The following HIPK2 variants were observed in gnomAD, a reference collection of about 807,000 sequenced individuals.
HIPK2 encodes the protein homeodomain interacting protein kinase 2, also known as homeodomain-interacting protein kinase 2.
HIPK2 carries 27 observed loss-of-function variants against 113.7 expected under a neutral mutation model. The ratio of observed to expected loss-of-function variants is 0.24; its 90% CI spans 0.17 to 0.33. The LOEUF is 0.33. Ranked by LOEUF, HIPK2 falls within the 10% of genes least tolerant of loss-of-function variation. The probability of loss-of-function intolerance (pLI) is 1.00; values close to 1 mark genes in which losing one functional copy is unlikely to be tolerated. For synonymous variants in HIPK2, 631 were observed against 642.2 expected (o/e 0.98, Z 0.26); for missense variants, 1,257 against 1,588.0 (o/e 0.79, Z 3.54).
chr7:139,624,566 C>T (rs1307047495), intron 6 of HIPK2, among the ~76,000 whole-genome samples: 1 of 152,240 alleles, frequency 6.6e-6, no homozygotes, highest in Non-Finnish European at 1.5e-5. Flanking sequence ...GTTTAAGCAT[C>T]CTGTTTTCCC....
chr7:139,620,686 G>A lies in HIPK2; in HGVS notation c.1620-123C>T, dbSNP rs2116836707. On this transcript the variant is annotated intron_variant, in intron 6 of 14. Coordinates refer to ENST00000406875, the MANE Select transcript of HIPK2 (RefSeq NM_022740.5). ...TTAATTCAGTAAACAGGACAAGCAG[G>A]GAAACTAAACTTTAGGTCTAAGTTT... 7.7e-6 allele frequency: 10 copies of A among 1,292,462 alleles called. No individual in the cohort carries two copies. The South Asian group carries it at 1.3e-4, about 17-fold the overall frequency. The allele number at this position is 1,292,462 out of a possible 1,614,324, so 80.1% of individuals were successfully genotyped here. A position where few individuals can be genotyped will look rare whatever the true frequency, so the allele number is the denominator to read the frequency against.
intron 2 of HIPK2, among the ~76,000 whole-genome samples, chr7:139,642,875 C>T (rs1801076099): frequency 6.6e-6 from 1 of 152,154 alleles, no homozygotes; most frequent in African/African-American, 2.4e-5. Context: ...CACTCTGCAG[C>T]AGGGTACTTT....
chr7:139,756,387 T>C (rs963962499), intron 1 of HIPK2, among the ~76,000 whole-genome samples: 10 of 152,248 alleles, frequency 6.6e-5, no homozygotes, highest in Admixed American at 5.2e-4. Context: ...CTCTCACTCT[T>C]TTTAAAAATT....
intron 2 of HIPK2, among the ~76,000 whole-genome samples, chr7:139,682,550 T>C (rs1214486916): frequency 6.6e-6 from 1 of 152,182 alleles, no homozygotes; most frequent in Non-Finnish European, 1.5e-5. Flanking sequence ...TGGGTCCCTG[T>C]GGTGGGTGGG....
At chr7:139,667,707 GTATAATA>G (rs1232044135) in intron 2 of HIPK2, among the ~76,000 whole-genome samples, 1 of 152,098 alleles carries the variant, frequency 6.6e-6, no homozygotes, top group African/African-American at 2.4e-5. Flanking sequence ...TTGTACATTT[GTATAATA>G]TATAAAACAT....
chr7:139,635,952 T>A (rs931835896), intron 2 of HIPK2, among the ~76,000 whole-genome samples: 6 of 152,120 alleles, frequency 3.9e-5, no homozygotes, highest in African/African-American at 1.4e-4. Context: ...AGTTCTCAGC[T>A]CCCCTTCAAG....
chr7:139,626,111 T>C (rs1585294946), intron 6 of HIPK2, among the ~76,000 whole-genome samples: 2 of 151,466 alleles, frequency 1.3e-5, no homozygotes, highest in African/African-American at 4.8e-5. Flanking sequence ...TCTTTCCTTT[T>C]TTTTTTTTTG....
intron 2 of HIPK2, among the ~76,000 whole-genome samples, chr7:139,658,711 T>G (rs956320539): frequency 6.6e-6 from 1 of 152,134 alleles, no homozygotes; most frequent in African/African-American, 2.4e-5. Flanking sequence ...GGGGATAAGA[T>G]CTTGTTTTGT....
rs190663341 is a variant in HIPK2, at chr7:139,684,871, T to A, written c.1103+31061A>T. Among the ~76,000 whole-genome samples the A allele has an allele frequency of 3.9e-5, 6 of 152,298 alleles. No homozygotes were observed. In the East Asian group the frequency reaches 1.2e-3, roughly 29 times the overall value. ...AAGTAAAATGGCCTTACTGCTGATA[T>A]GGAGAAGGTTTTTTAGTGGTCTGGA... On this transcript the variant is annotated intron_variant, in intron 2 of 14. Transcript: ENST00000406875.
At chr7:139,636,790 C>T (rs1018148049) in intron 2 of HIPK2, among the ~76,000 whole-genome samples, 5 of 152,170 alleles carry the variant, frequency 3.3e-5, no homozygotes, top group African/African-American at 1.2e-4. Flanking sequence ...TCATCTTACT[C>T]GCTCCATAGG....
rs1359308540 is a variant in HIPK2, at chr7:139,769,201, T to C, written c.19+8404A>G. Among the ~76,000 whole-genome samples the C allele has an allele frequency of 2.7e-5, 4 of 148,302 alleles. No homozygotes were observed. In the Admixed American group the frequency reaches 2.8e-4, roughly 10 times the overall value. ...GGCAAGCCGACAAGTGCTCGATGCG[T>C]GTTCTCCTGCACCACCCCAACAGCA... is the stretch of plus-strand genomic sequence containing the variant. On this transcript the variant is annotated intron_variant, in intron 1 of 14. Transcript: ENST00000406875.
chr7:139,608,594 G>A (rs1799709273), intron 9 of HIPK2, among the ~76,000 whole-genome samples: 1 of 152,082 alleles, frequency 6.6e-6, no homozygotes, highest in Non-Finnish European at 1.5e-5. Context: ...CTGAATGTGG[G>A]CAACCTAATT....
rs1174776854 is a variant in HIPK2, at chr7:139,683,285, A to G, written c.1103+32647T>C. On this transcript the variant is annotated intron_variant, in intron 2 of 14. Transcript: ENST00000406875. The surrounding 1 kb of genome is among the most constrained non-coding windows in gnomAD (Gnocchi z 4.2). ...CTGTTAATGTGTAACAAGGTACCGCAAAACTTAGTGCCTTAAAATAACCAT... is the reference window on the plus strand; with the variant it reads ...CTGTTAATGTGTAACAAGGTACCGCGAAACTTAGTGCCTTAAAATAACCAT... Among the ~76,000 whole-genome samples the G allele has an allele frequency of 6.6e-6, 1 of 152,204 alleles. No individual in the cohort carries two copies. Among genetic ancestry groups the G allele is most frequent in the African/African-American group, 2.4e-5 (1 of 41,446 alleles).
At chr7:139,620,687 G>GA in intron 6 of HIPK2, 124 bp from the exon 7 acceptor site, 1 of 1,277,146 alleles carries the variant, frequency 7.8e-7, no homozygotes, top group Non-Finnish European at 1.1e-6. Flanking sequence ...GACAAGCAGG[G>GA]AAACTAAACT....
In HIPK2 at chr7:139,613,144, T is replaced by C. The variant is rs1799896749; in HGVS notation, c.2112+58A>G. The C allele has an allele frequency of 8.1e-6, 13 of 1,599,530 alleles. No individual in the cohort carries two copies. The highest frequency in any genetic ancestry group is 1.1e-5 in the Non-Finnish European group (13 of 1,170,918). On this transcript the variant is annotated intron_variant, in intron 9 of 14. Coordinates refer to ENST00000406875, the MANE Select transcript of HIPK2 (RefSeq NM_022740.5). This position sits in a 1 kb window ranked among gnomAD's most constrained non-coding sequence, Gnocchi z 4.2. Reference sequence around the variant, plus strand: ...AGGGAGTGGAGATATATATCTTTTGTGAACAACATTAACACAGGTAATGGT... The same window carrying C: ...AGGGAGTGGAGATATATATCTTTTGCGAACAACATTAACACAGGTAATGGT...
In HIPK2 at chr7:139,683,573, C is replaced by T. The variant is rs762608951; in HGVS notation, c.1103+32359G>A. ...GAATCTAATCTTGGAAGTGAAACAC[C>T]GTCATTTCTGCCAGATTCTCTGGGT... On this transcript the variant is annotated intron_variant, in intron 2 of 14. Coordinates refer to ENST00000406875, the MANE Select transcript of HIPK2 (RefSeq NM_022740.5). The surrounding 1 kb of genome is among the most constrained non-coding windows in gnomAD (Gnocchi z 4.2). 1.9e-3 allele frequency among the ~76,000 whole-genome samples: 289 copies of T among 152,244 alleles called. No individual in the cohort carries two copies. The highest frequency in any genetic ancestry group is 8.3e-4 in the South Asian group (4 of 4,820).
chr7:139,702,282 G>C (rs1013271841), intron 2 of HIPK2, among the ~76,000 whole-genome samples: 4 of 152,176 alleles, frequency 2.6e-5, no homozygotes, highest in Admixed American at 6.5e-5. Context: ...CACTGTGGAA[G>C]GACATTTACA....
intron 9 of HIPK2, among the ~76,000 whole-genome samples, chr7:139,609,231 G>A (rs1314070175): frequency 1.3e-5 from 2 of 152,216 alleles, no homozygotes; most frequent in African/African-American, 4.8e-5. Flanking sequence ...GCTCCTTTTA[G>A]GCAGTACCAA....
intron 1 of HIPK2, among the ~76,000 whole-genome samples, chr7:139,733,524 A>C (rs1795852498): frequency 6.6e-6 from 1 of 152,224 alleles, no homozygotes; most frequent in Non-Finnish European, 1.5e-5. Flanking sequence ...TTAAGCACTT[A>C]ATCAGGGGAA....
Sources: allele counts gnomAD v4.1 joint callset (sites outside exome capture counted in the v4.1 genomes callset), GRCh38; gene constraint gnomAD v4.1.1; non-coding constraint Gnocchi (gnomAD v3.1); transcripts MANE v1.5; gene names NCBI Gene and HGNC (gene_info 2026-07-23, HGNC 2026-07-21).